The following UGT1A9 variants were observed in gnomAD, a reference collection of about 807,000 sequenced individuals.
The protein encoded by UGT1A9 is UDP glucuronosyltransferase family 1 member A9.
UGT1A9 carries 35 observed loss-of-function variants against 45.0 expected under a neutral mutation model. The ratio of observed to expected loss-of-function variants is 0.78; its 90% CI spans 0.59 to 1.03. UGT1A9 has a LOEUF of 1.03. Among genes scored for constraint, UGT1A9 ranks in the 50% least tolerant of loss-of-function variants. The pLI, the probability that UGT1A9 is intolerant of heterozygous loss-of-function variation, is 0.00. For synonymous variants in UGT1A9, 278 were observed against 250.6 expected (o/e 1.11, Z -1.03); for missense variants, 687 against 666.6 (o/e 1.03, Z -0.34).
rs745881309 is a variant in UGT1A9 at position 233,672,754 on chromosome 2, G to A, written c.820G>A (p.Gly274Ser). 4.3e-6 allele frequency: 7 copies of A among 1,613,730 alleles called. No individual in the cohort carries two copies. Among genetic ancestry groups the A allele is most frequent in the Non-Finnish European group, 5.9e-6 (7 of 1,179,770 alleles). ...GATGCCCAACATGATCTTCATTGGT[G>A]GTATCAACTGCCATCAGGGAAAGCC... ...PVMPNMIFIG[G>S]INCHQGKPLP... Residue 274 changes from glycine (G) to serine (S), a missense_variant, in exon 1 of 5, where the codon GGT becomes AGT. By Grantham distance (56) the Gly-to-Ser change is moderately conservative. Transcript: ENST00000354728.
intron 1 of UGT1A9, among the ~76,000 whole-genome samples, chr2:233,688,262 C>T (rs1179376134): frequency 2.6e-5 from 4 of 152,160 alleles, no homozygotes; most frequent in Admixed American, 1.3e-4. Flanking sequence ...TTTACATGGC[C>T]GAATATTCCA....
rs559276677 is a variant in UGT1A9 at position 233,725,023 on chromosome 2, C to T, written c.856-42011C>T. Among the ~76,000 whole-genome samples the T allele has an allele frequency of 1.0e-4, 15 of 148,462 alleles. 1 individual carries two copies. The highest frequency in any genetic ancestry group is 6.9e-4 in the South Asian group (3 of 4,350). On this transcript the variant is annotated intron_variant, in intron 1 of 4. Coordinates refer to ENST00000354728, the MANE Select transcript of UGT1A9 (RefSeq NM_021027.3). ...ACCGGCCCGGCCAAACAGCAAAACCCGGTCTCCACCAAAACCAGTCAGGCG... is the reference window on the plus strand; with the variant it reads ...ACCGGCCCGGCCAAACAGCAAAACCTGGTCTCCACCAAAACCAGTCAGGCG...
At chr2:233,767,827 C>G in intron 2 of UGT1A9, 22 bp from the exon 3 acceptor site, 2 of 1,614,176 alleles carry the variant, frequency 1.2e-6, no homozygotes, top group Non-Finnish European at 1.7e-6. Flanking sequence ...TCTTTACGTT[C>G]TGCTCTTTTT....
chr2:233,694,156 TCAAA>T (rs2075202894), intron 1 of UGT1A9, among the ~76,000 whole-genome samples: 1 of 152,126 alleles, frequency 6.6e-6, no homozygotes, highest in Non-Finnish European at 1.5e-5. Context: ...ATGTCCCAGT[TCAAA>T]CAGAGGTGAA....
intron 1 of UGT1A9, 125 bp downstream of exon 1, chr2:233,672,914 A>G: frequency 6.7e-7 from 1 of 1,501,600 alleles, no homozygotes; most frequent in East Asian, 2.3e-5. Flanking sequence ...CAGTTTAACA[A>G]ATTATTTTGT....
At chr2:233,678,855 T>C (rs1363396796) in intron 1 of UGT1A9, among the ~76,000 whole-genome samples, 1 of 152,234 alleles carries the variant, frequency 6.6e-6, no homozygotes, top group Non-Finnish European at 1.5e-5. Context: ...ATTTTGTTGC[T>C]GTATCCATAA....
chr2:233,671,970 A>ATG lies in UGT1A9; in HGVS notation c.44_45dup (p.Leu16ValfsTer4). 3 of 1,613,766 alleles carry ATG rather than the reference A, an allele frequency of 1.9e-6. No individual in the cohort carries two copies. The highest frequency in any genetic ancestry group is 2.5e-6 in the Non-Finnish European group (3 of 1,179,856). Reference sequence around the variant, plus strand: ...CAGGGTGGACCAGCCCCCTTCCTCTATGTGTGTGTCTGCTGCTGACCTGTG... The same window carrying ATG: ...CAGGGTGGACCAGCCCCCTTCCTCTATGTGTGTGTGTCTGCTGCTGACCTGTG... On this transcript the variant is annotated frameshift_variant, in exon 1 of 5. Transcript: ENST00000354728. LOFTEE classifies it high-confidence loss of function.
intron 1 of UGT1A9, chr2:233,755,429 C>T (rs1352884628): frequency 3.1e-6 from 1 of 319,032 alleles, no homozygotes; most frequent in Non-Finnish European, 6.1e-6. Flanking sequence ...CGCCTCGCAT[C>T]CCAAGATGCA....
chr2:233,725,264 G>GGCAGAGGAGGCA, intron 1 of UGT1A9, among the ~76,000 whole-genome samples: 1 of 58,548 alleles, frequency 1.7e-5, no homozygotes, highest in African/African-American at 1.3e-4. Flanking sequence ...CAGAGGCAGA[G>GGCAGAGGAGGCA]GAGGCAGAGG....
At chr2:233,679,212 G>C (rs377200180) in intron 1 of UGT1A9, among the ~76,000 whole-genome samples, 2 of 152,178 alleles carry the variant, frequency 1.3e-5, no homozygotes, top group Non-Finnish European at 2.9e-5. Flanking sequence ...GTGGGTTCTG[G>C]GTGGCTAGGG....
At chr2:233,741,204 T>C (rs1691587952) in intron 1 of UGT1A9, among the ~76,000 whole-genome samples, 1 of 151,922 alleles carries the variant, frequency 6.6e-6, no homozygotes, top group Admixed American at 6.5e-5. Flanking sequence ...CTGTTAAAAC[T>C]AGCCAGAGTT....
intron 1 of UGT1A9, among the ~76,000 whole-genome samples, chr2:233,758,259 G>T (rs1163749283): frequency 6.6e-6 from 1 of 152,184 alleles, no homozygotes; most frequent in Non-Finnish European, 1.5e-5. Context: ...AGATTAGTAA[G>T]TATTTCTTGG....
rs189112981 is a variant in UGT1A9, at chr2:233,747,187, A to C, written c.856-19847A>C. 2.8e-4 allele frequency: 449 copies of C among 1,603,370 alleles called. 14 individuals carry two copies. The African/African-American group carries it at 5.5e-3, about 19-fold the overall frequency. On this transcript the variant is annotated intron_variant, in intron 1 of 4. Coordinates refer to ENST00000354728, the MANE Select transcript of UGT1A9 (RefSeq NM_021027.3). ...GTAGGAGGCACAGCGTGGGGTGGACAGTCAGCTGTCCGTGTCTTCTGCTGA... is the reference window on the plus strand; with the variant it reads ...GTAGGAGGCACAGCGTGGGGTGGACCGTCAGCTGTCCGTGTCTTCTGCTGA...
intron 1 of UGT1A9, among the ~76,000 whole-genome samples, chr2:233,700,227 T>C (rs1296427403): frequency 1.3e-5 from 2 of 152,204 alleles, no homozygotes; most frequent in Non-Finnish European, 2.9e-5. Flanking sequence ...TCTAGGCAAC[T>C]CAGTAGAACA....
rs1431624196 is a variant in UGT1A9, at chr2:233,711,879, AG to A, written c.855+39092del. Among the ~76,000 whole-genome samples, 5 of 152,344 alleles carry A rather than the reference AG, an allele frequency of 3.3e-5. No homozygotes were observed. The South Asian group carries it at 8.3e-4, about 25-fold the overall frequency. On this transcript the variant is annotated intron_variant, in intron 1 of 4. Transcript: ENST00000354728. ...ACAAGTATGAGTGACTTTCTGGAGC[AG>A]GACGAGTCTCATGGGCGTGAGACCA...
chr2:233,693,367 G>T, intron 1 of UGT1A9: 3 of 1,614,154 alleles, frequency 1.9e-6, no homozygotes, highest in Non-Finnish European at 2.5e-6. Context: ...TTATTGGCCT[G>T]TACTTCATCA....
chr2:233,700,744 T>G (rs2125584021), intron 1 of UGT1A9, among the ~76,000 whole-genome samples: 1 of 152,264 alleles, frequency 6.6e-6, no homozygotes. Flanking sequence ...TATTATACTT[T>G]AAGTTTTAGG....
chr2:233,696,423 T>G (rs1466481470), intron 1 of UGT1A9, among the ~76,000 whole-genome samples: 1 of 152,216 alleles, frequency 6.6e-6, no homozygotes, highest in African/African-American at 2.4e-5. Flanking sequence ...CCTTTTCAGT[T>G]TTTTCTCTGT....
At chr2:233,755,270 G>A (rs1695837924) in intron 1 of UGT1A9, 1 of 756,192 alleles carries the variant, frequency 1.3e-6, no homozygotes, top group Non-Finnish European at 2.0e-6. Flanking sequence ...AGTCCACTAT[G>A]CTGGACTGCC....
Sources: gnomAD v4.1 joint callset for allele counts (sites outside exome capture counted in the v4.1 genomes callset) on GRCh38, gnomAD v4.1.1 for gene constraint, MANE v1.5 for transcripts, NCBI Gene and HGNC (gene_info 2026-07-23, HGNC 2026-07-21) for gene names.